TLCD4: variants seen among roughly 807,000 people sequenced by gnomAD.
The protein encoded by TLCD4 is TLC domain-containing protein 4.
Under a neutral mutation model 24.2 loss-of-function variants are expected in TLCD4, and 7 were observed. The observed-to-expected ratio is 0.29, with a 90% confidence interval of 0.16 to 0.54. The LOEUF (loss-of-function observed/expected upper bound fraction) is 0.54. Ranked by LOEUF, TLCD4 falls within the 20% of genes least tolerant of loss-of-function variation. The pLI is 0.95. For missense variants in TLCD4, 259 were observed against 313.9 expected, an observed-to-expected ratio of 0.82 and a Z score of 1.32; for synonymous variants, 103 against 106.4, an observed-to-expected ratio of 0.97 and a Z score of 0.20.
At chr1:95,184,637 T>C (rs1414435154) in intron 6 of TLCD4, among the ~76,000 whole-genome samples, 1 of 152,244 alleles carries the variant, frequency 6.6e-6, no homozygotes, top group Admixed American at 6.5e-5. Flanking sequence ...CTGTCTTTTA[T>C]GCCTGTCTTA....
At chr1:95,187,172 G>T (rs1678854928) in intron 6 of TLCD4, among the ~76,000 whole-genome samples, 2 of 152,276 alleles carry the variant, frequency 1.3e-5, no homozygotes, top group East Asian at 1.9e-4. Context: ...CTGATACAGA[G>T]GGTCCCTGTG....
chr1:95,118,785 C>G (rs1383939715), intron 1 of TLCD4, among the ~76,000 whole-genome samples: 4 of 152,274 alleles, frequency 2.6e-5, no homozygotes, highest in African/African-American at 9.6e-5. Flanking sequence ...CCTTGCTTAT[C>G]TTTTCCTTAA....
rs1218658324 is a variant in TLCD4, at chr1:95,126,127, A to AG, written c.-12+8510_-12+8511insG. ...GACAACATAGCGAGACGCCATCACT[A>AG]TTAAAAAAAAAAAAAGAGGCCAAGC... On this transcript the variant is annotated intron_variant, in intron 1 of 6. Transcript: ENST00000370203. 4.3e-3 allele frequency among the ~76,000 whole-genome samples: 633 copies of AG among 147,880 alleles called. 2 individuals are homozygous for AG. Among genetic ancestry groups the AG allele is most frequent in the African/African-American group, 9.9e-3 (395 of 40,018 alleles).
At chr1:95,095,093 G>A in the TLCD4 span, among the ~76,000 whole-genome samples, 2 of 152,200 alleles carry the variant, frequency 1.3e-5, no homozygotes, top group African/African-American at 4.8e-5. Flanking sequence ...AAGGTTAAAT[G>A]ACATAACAAA....
chr1:95,196,278 G>A lies in TLCD4; in HGVS notation c.*4410G>A, dbSNP rs1679203808. On this transcript the variant is annotated 3_prime_UTR_variant, in exon 7 of 7. Coordinates refer to ENST00000370203, the MANE Select transcript of TLCD4 (RefSeq NM_152487.3). ...AATGTTCTTTTTAGACCCCATGACA[G>A]GAGCACAGAGGAACTGAGATAACTC... 1 of 152,180 alleles carries A rather than the reference G, an allele frequency of 6.6e-6. No individual in the cohort carries two copies. The highest frequency in any genetic ancestry group is 1.5e-5 in the Non-Finnish European group (1 of 68,030). The allele number at this position is 152,180 out of a possible 1,614,324, so 9.4% of individuals were successfully genotyped here. A position where few individuals can be genotyped will look rare whatever the true frequency, so the allele number is the denominator to read the frequency against.
the TLCD4 span, among the ~76,000 whole-genome samples, chr1:95,092,889 C>T: frequency 6.6e-6 from 1 of 152,274 alleles, no homozygotes; most frequent in African/African-American, 2.4e-5. Flanking sequence ...CAAGTGAGTG[C>T]CACCATGCCC....
intron 5 of TLCD4, chr1:95,164,254 T>C: frequency 6.5e-6 from 1 of 153,676 alleles, no homozygotes; most frequent in Non-Finnish European, 1.4e-5. Flanking sequence ...CTCAGACTGC[T>C]GTGCTAGCAA....
chr1:95,150,860 A>G (rs1677474936), intron 4 of TLCD4, among the ~76,000 whole-genome samples: 1 of 152,102 alleles, frequency 6.6e-6, no homozygotes, highest in African/African-American at 2.4e-5. Flanking sequence ...TAGTGACAAA[A>G]ATCAGTCACT....
the TLCD4 span, among the ~76,000 whole-genome samples, chr1:95,101,118 AGGCTG>A: frequency 4.6e-5 from 7 of 151,876 alleles, no homozygotes; most frequent in African/African-American, 1.5e-4. Context: ...CATCTTGGCC[AGGCTG>A]GTCTTGAACT....
intron 5 of TLCD4, among the ~76,000 whole-genome samples, chr1:95,152,268 G>GT (rs1338037038): frequency 6.6e-6 from 1 of 151,898 alleles, no homozygotes; most frequent in Non-Finnish European, 1.5e-5. Flanking sequence ...CTATAAGAAG[G>GT]TTTTTTTCTA....
chr1:95,186,083 T>A (rs1282139012), intron 6 of TLCD4, among the ~76,000 whole-genome samples: 4 of 152,244 alleles, frequency 2.6e-5, no homozygotes, highest in African/African-American at 4.8e-5. Flanking sequence ...TTTGTGCCAT[T>A]TATCTTAATA....
chr1:95,158,656 C>A (rs1317375823), intron 5 of TLCD4, among the ~76,000 whole-genome samples: 2 of 135,154 alleles, frequency 1.5e-5, no homozygotes, highest in African/African-American at 5.6e-5. Flanking sequence ...TGTCCGTCCC[C>A]CCTCCCCCCA....
chr1:95,171,338 C>T (rs2100986983), intron 5 of TLCD4, among the ~76,000 whole-genome samples: 1 of 152,230 alleles, frequency 6.6e-6, no homozygotes, highest in Non-Finnish European at 1.5e-5. Flanking sequence ...AATCCTGCAG[C>T]CCGGGAAACC....
intron 5 of TLCD4, among the ~76,000 whole-genome samples, chr1:95,158,584 G>A (rs551569413): frequency 6.6e-6 from 1 of 152,022 alleles, no homozygotes; most frequent in South Asian, 2.1e-4. Context: ...ATGTATACAT[G>A]TGTCATGTTG....
chr1:95,132,390 G>A (rs1676920894), intron 1 of TLCD4, among the ~76,000 whole-genome samples: 1 of 151,564 alleles, frequency 6.6e-6, no homozygotes, highest in Non-Finnish European at 1.5e-5. Context: ...CCAGGTGGTG[G>A]AGGTTGCAGT....
intron 3 of TLCD4, among the ~76,000 whole-genome samples, 192 bp from the exon 4 acceptor site, chr1:95,150,016 C>T (rs1478490030): frequency 1.3e-5 from 2 of 152,074 alleles, no homozygotes; most frequent in Non-Finnish European, 2.9e-5. Context: ...ACTGCTAACA[C>T]CAGTACCACA....
intron 5 of TLCD4, among the ~76,000 whole-genome samples, chr1:95,152,751 T>C (rs1419231889): frequency 6.6e-6 from 1 of 152,154 alleles, no homozygotes; most frequent in East Asian, 1.9e-4. Context: ...CAGCCTTTTT[T>C]CCTGATACTC....
chr1:95,174,027 A>G, intron 6 of TLCD4, 138 bp downstream of exon 6: 1 of 1,276,652 alleles, frequency 7.8e-7, no homozygotes, highest in Non-Finnish European at 1.1e-6. Context: ...CATCATACAA[A>G]TGAGGAAAGT....
At chr1:95,134,413 G>A (rs964014036) in intron 1 of TLCD4, among the ~76,000 whole-genome samples, 1 of 152,084 alleles carries the variant, frequency 6.6e-6, no homozygotes, top group Non-Finnish European at 1.5e-5. Flanking sequence ...GGCCTGAAGG[G>A]GCAGAGGTGC....
Sources: gnomAD v4.1 joint callset for allele counts (sites outside exome capture counted in the v4.1 genomes callset) on GRCh38, gnomAD v4.1.1 for gene constraint, MANE v1.5 for transcripts, NCBI Gene and HGNC (gene_info 2026-07-23, HGNC 2026-07-21) for gene names.